Variants in ZHX3 observed in about 807,000 individuals in gnomAD.
ZHX3 encodes the protein zinc fingers and homeoboxes 3.
A neutral mutation model predicts 64.5 loss-of-function variants in ZHX3; 20 were observed. The observed-to-expected ratio is 0.31, with a 90% CI of 0.22 to 0.45. ZHX3 has a LOEUF of 0.45. Ranked by LOEUF, ZHX3 falls within the 20% of genes least tolerant of loss-of-function variation. The pLI is 1.00. For synonymous variants in ZHX3, 423 were observed against 461.6 expected, an observed-to-expected ratio of 0.92 and a Z score of 1.07; for missense variants, 1,041 against 1,195.8, an observed-to-expected ratio of 0.87 and a Z score of 1.91.
intron 3 of ZHX3, among the ~76,000 whole-genome samples, chr20:41,194,396 CAATCCTTGCATTG>C (rs1247373516): frequency 6.6e-6 from 1 of 152,142 alleles, no homozygotes; most frequent in African/African-American, 2.4e-5. Context: ...ATGTGCCAGG[CAATCCTTGCATTG>C]CAGGGATAGA....
rs185296439 is a variant in ZHX3 at position 41,215,748 on chromosome 20, C to T, written c.-150-10682G>A. Among the ~76,000 whole-genome samples the T allele has an allele frequency of 1.5e-4, 20 of 129,150 alleles. No homozygotes were observed. The East Asian group carries it at 4.1e-3, about 26-fold the overall frequency. The allele number at this position is 129,150 out of a possible 152,430, so 84.7% of individuals were successfully genotyped here. On this transcript the variant is annotated intron_variant, in intron 2 of 3. Transcript: ENST00000683867. ...AGGAGATCGAGACCATCCTGGCTAACACGGTGAAACCACGTCTCTACTAAA... is the reference window on the plus strand; with the variant it reads ...AGGAGATCGAGACCATCCTGGCTAATACGGTGAAACCACGTCTCTACTAAA...
In ZHX3 at chr20:41,203,584, G is replaced by A; in HGVS notation, c.1333C>T (p.Leu445Phe). 8 of 1,614,250 alleles carry A rather than the reference G, an allele frequency of 5.0e-6. No homozygotes were observed. The highest frequency in any genetic ancestry group is 6.8e-6 in the Non-Finnish European group (8 of 1,180,042). ...TGCTTGGGGACGGATGTCACCGTGA[G>A]GGGGAGAGGGGAACTTGTTGCTTGC... ...GLQATSSPLP[L>F]TVTSVPKQPG... Residue 445 changes from leucine (L) to phenylalanine (F), a missense_variant, in exon 3 of 4, where the codon CTC (leucine) becomes TTC (phenylalanine). Coordinates refer to ENST00000683867, the MANE Select transcript of ZHX3 (RefSeq NM_001384317.1). The surrounding 1 kb of genome is among the most constrained non-coding windows in gnomAD (Gnocchi z 7.1).
rs1456305272 is a variant in ZHX3 at position 41,226,945 on chromosome 20, A to G, written c.-150-21879T>C. Among the ~76,000 whole-genome samples the G allele has an allele frequency of 6.6e-6, 1 of 152,202 alleles. No individual in the cohort carries two copies. The highest frequency in any genetic ancestry group is 1.5e-5 in the Non-Finnish European group (1 of 68,028). ...CCTTAGTCGGCCCAGGACAGTTTCTAAAATGTTTCCTTTATGAGTACTGTT... is the reference window on the plus strand; with the variant it reads ...CCTTAGTCGGCCCAGGACAGTTTCTGAAATGTTTCCTTTATGAGTACTGTT... On this transcript the variant is annotated intron_variant, in intron 2 of 3. Coordinates refer to ENST00000683867, the MANE Select transcript of ZHX3 (RefSeq NM_001384317.1). The surrounding 1 kb of genome is among the most constrained non-coding windows in gnomAD (Gnocchi z 4.4).
At chr20:41,299,777 G>T (rs1039045424) in intron 1 of ZHX3, among the ~76,000 whole-genome samples, 2 of 149,462 alleles carry the variant, frequency 1.3e-5, no homozygotes, top group South Asian at 4.2e-4. Context: ...CAGGAGAATC[G>T]CTTGAACCTG....
chr20:41,309,800 G>T (rs2045077442), intron 1 of ZHX3, among the ~76,000 whole-genome samples: 1 of 152,040 alleles, frequency 6.6e-6, no homozygotes, highest in South Asian at 2.1e-4. Context: ...TGGCTTCTCT[G>T]ACCACACAGA....
chr20:41,290,900 T>C (rs1315004060), intron 1 of ZHX3, among the ~76,000 whole-genome samples: 2 of 152,190 alleles, frequency 1.3e-5, no homozygotes, highest in East Asian at 1.9e-4. Context: ...CCTCCCAACC[T>C]GGCTCCTTAG....
chr20:41,289,790 T>C (rs2146736908), intron 1 of ZHX3, among the ~76,000 whole-genome samples: 1 of 151,296 alleles, frequency 6.6e-6, no homozygotes, highest in East Asian at 1.9e-4. Context: ...TCTTACTTGG[T>C]TCATGGCCAT....
At chr20:41,277,077 A>G (rs1450968860) in intron 1 of ZHX3, among the ~76,000 whole-genome samples, 1 of 152,246 alleles carries the variant, frequency 6.6e-6, no homozygotes. Context: ...AATGGTGAAG[A>G]CAGACAAGAC....
At chr20:41,186,983 A>G (rs1343229614) in intron 3 of ZHX3, among the ~76,000 whole-genome samples, 1 of 152,144 alleles carries the variant, frequency 6.6e-6, no homozygotes, top group African/African-American at 2.4e-5. Flanking sequence ...CGTAATCCAA[A>G]TTATTATTTT....
At chr20:41,242,315 C>G (rs1212700096) in intron 2 of ZHX3, among the ~76,000 whole-genome samples, 2 of 152,192 alleles carry the variant, frequency 1.3e-5, no homozygotes, top group African/African-American at 2.4e-5. Context: ...AAGCAACAGG[C>G]AACAGCAAGG....
At position 41,247,525 on chromosome 20, in the gene ZHX3, T is replaced by C. The variant is rs760409764; in HGVS notation, c.-151+21465A>G. Among the ~76,000 whole-genome samples, 37 of 152,160 alleles carry C rather than the reference T, an allele frequency of 2.4e-4. 1 individual carries two copies. The highest frequency in any genetic ancestry group is 4.6e-4 in the Admixed American group (7 of 15,278). On this transcript the variant is annotated intron_variant, in intron 2 of 3. Coordinates refer to ENST00000683867, the MANE Select transcript of ZHX3 (RefSeq NM_001384317.1). ...TTAAACAAGATAGTCTGTGTGGAAGTATCTTTAACAGGCATTAAGTGCCTG... is the reference window on the plus strand; with the variant it reads ...TTAAACAAGATAGTCTGTGTGGAAGCATCTTTAACAGGCATTAAGTGCCTG...
At position 41,241,480 on chromosome 20, in the gene ZHX3, T is replaced by C. The variant is rs144996238; in HGVS notation, c.-151+27510A>G. Among the ~76,000 whole-genome samples the C allele has an allele frequency of 1.6e-3, 240 of 152,350 alleles. 1 individual carries two copies. Among genetic ancestry groups the C allele is most frequent in the African/African-American group, 5.2e-3 (215 of 41,582 alleles). On this transcript the variant is annotated intron_variant, in intron 2 of 3. Coordinates refer to ENST00000683867, the MANE Select transcript of ZHX3 (RefSeq NM_001384317.1). ...GGTTGTCCCTTCACTTTGTTAATTGTTCCCCTTGCTGTGCAGAAGCTTTTT... is the reference window on the plus strand; with the variant it reads ...GGTTGTCCCTTCACTTTGTTAATTGCTCCCCTTGCTGTGCAGAAGCTTTTT...
intron 1 of ZHX3, among the ~76,000 whole-genome samples, chr20:41,311,710 T>TA (rs1169996319): frequency 2.6e-5 from 4 of 152,224 alleles, no homozygotes; most frequent in Non-Finnish European, 2.9e-5. Flanking sequence ...ACTTTAAACA[T>TA]TACTTAAATT....
At chr20:41,220,201 TC>T (rs2039837824) in intron 2 of ZHX3, among the ~76,000 whole-genome samples, 2 of 152,206 alleles carry the variant, frequency 1.3e-5, no homozygotes, top group Non-Finnish European at 2.9e-5. Flanking sequence ...ACCTCTGTCT[TC>T]CGGGGAACTT....
intron 2 of ZHX3, among the ~76,000 whole-genome samples, chr20:41,223,886 A>C (rs1038771310): frequency 2.6e-5 from 4 of 152,350 alleles, no homozygotes; most frequent in African/African-American, 9.6e-5. Flanking sequence ...AATACCAAGT[A>C]GTGCTCCTTT....
At chr20:41,188,847 T>C (rs2036761708) in intron 3 of ZHX3, among the ~76,000 whole-genome samples, 1 of 152,246 alleles carries the variant, frequency 6.6e-6, no homozygotes, top group Non-Finnish European at 1.5e-5. Flanking sequence ...ATGCAGAAGA[T>C]TTTTAATATA....
At chr20:41,309,008 C>T (rs2146833378) in intron 1 of ZHX3, among the ~76,000 whole-genome samples, 1 of 152,264 alleles carries the variant, frequency 6.6e-6, no homozygotes, top group Non-Finnish European at 1.5e-5. Flanking sequence ...TCCTGTTGAA[C>T]ATGATAACAA....
chr20:41,255,344 G>C (rs955777542), intron 2 of ZHX3, among the ~76,000 whole-genome samples: 1 of 151,986 alleles, frequency 6.6e-6, no homozygotes, highest in Non-Finnish European at 1.5e-5. Context: ...GCAGAGACAG[G>C]GTTTCACCAT....
chr20:41,292,909 C>T lies in ZHX3; in HGVS notation c.-244-23826G>A, dbSNP rs956395905. Among the ~76,000 whole-genome samples, 11 of 152,314 alleles carry T rather than the reference C, an allele frequency of 7.2e-5. No homozygotes were observed. The East Asian group carries it at 1.5e-3, about 21-fold the overall frequency. On this transcript the variant is annotated intron_variant, in intron 1 of 3. Transcript: ENST00000683867. ...AAAAGATACTAAGTATGTTGGGTAA[C>T]AGCTTGTCTGGCTAGAATAAAAGGT... is the stretch of plus-strand genomic sequence containing the variant.
Sources: gnomAD v4.1 joint callset for allele counts (sites outside exome capture counted in the v4.1 genomes callset) on GRCh38, gnomAD v4.1.1 for gene constraint, Gnocchi (gnomAD v3.1) non-coding constraint, MANE v1.5 for transcripts, NCBI Gene and HGNC (gene_info 2026-07-23, HGNC 2026-07-21) for gene names.